Variants in GALNT13 observed in about 807,000 individuals in gnomAD.
GALNT13 encodes the protein polypeptide N-acetylgalactosaminyltransferase 13.
In GALNT13, 28 loss-of-function variants were observed where a neutral mutation model predicts 64.2. The ratio of observed to expected loss-of-function variants is 0.44; its 90% confidence interval spans 0.32 to 0.60. The LOEUF (loss-of-function observed/expected upper bound fraction) is 0.60, where lower values mean the gene tolerates loss of function less well. Among genes scored for constraint, GALNT13 ranks in the 20% least tolerant of loss-of-function variants. GALNT13 has a pLI of 0.05. For synonymous variants in GALNT13, 214 were observed against 224.6 expected (o/e 0.95, Z 0.42); for missense variants, 577 against 669.8 (o/e 0.86, Z 1.53).
At chr2:153,076,510 AT>A in the GALNT13 span, among the ~76,000 whole-genome samples, 2 of 151,952 alleles carry the variant, frequency 1.3e-5, no homozygotes, top group African/African-American at 4.8e-5. Flanking sequence ...GTCATAGGGA[AT>A]TTTTTCCCTC....
chr2:153,876,881 A>C (rs1482640807), intron 1 of GALNT13, among the ~76,000 whole-genome samples: 1 of 152,152 alleles, frequency 6.6e-6, no homozygotes, highest in African/African-American at 2.4e-5. Flanking sequence ...GTTGGGAGAC[A>C]TGCTTTTCCT....
At chr2:153,448,449 T>C in the GALNT13 span, among the ~76,000 whole-genome samples, 1 of 152,224 alleles carries the variant, frequency 6.6e-6, no homozygotes, top group Non-Finnish European at 1.5e-5. Flanking sequence ...GCTCCAGTTA[T>C]GATAAATCTT....
the GALNT13 span, among the ~76,000 whole-genome samples, chr2:153,779,840 T>C: frequency 1.3e-5 from 2 of 152,154 alleles, no homozygotes; most frequent in African/African-American, 4.8e-5. Context: ...AACATGAAGA[T>C]TTTCAGCTTT....
At chr2:153,082,437 A>G in the GALNT13 span, among the ~76,000 whole-genome samples, 15 of 151,288 alleles carry the variant, frequency 9.9e-5, no homozygotes, top group South Asian at 3.1e-3. Flanking sequence ...ATCACTTCGA[A>G]TAATATTCTC....
intron 3 of GALNT13, among the ~76,000 whole-genome samples, chr2:154,033,129 A>G (rs1446301693): frequency 1.3e-5 from 2 of 151,974 alleles, no homozygotes; most frequent in Admixed American, 6.6e-5. Flanking sequence ...TTAGAGATCT[A>G]TATCTAAAAA....
the GALNT13 span, among the ~76,000 whole-genome samples, chr2:153,865,471 A>T: frequency 1.4e-5 from 2 of 142,190 alleles, no homozygotes; most frequent in Non-Finnish European, 3.1e-5. Flanking sequence ...CAAGAAAAAA[A>T]CAAACAACCC....
the GALNT13 span, among the ~76,000 whole-genome samples, chr2:153,487,906 A>G: frequency 6.6e-6 from 1 of 152,212 alleles, no homozygotes; most frequent in South Asian, 2.1e-4. Flanking sequence ...CCATGGGGAC[A>G]CATTGAAGGG....
the GALNT13 span, among the ~76,000 whole-genome samples, chr2:153,108,617 G>A: frequency 5.3e-5 from 8 of 152,088 alleles, no homozygotes; most frequent in Admixed American, 5.2e-4. Flanking sequence ...TCTGCGAGGT[G>A]GGCAGGGATT....
At chr2:153,741,885 T>C in the GALNT13 span, among the ~76,000 whole-genome samples, 1 of 152,110 alleles carries the variant, frequency 6.6e-6, no homozygotes, top group African/African-American at 2.4e-5. Flanking sequence ...ATTTCAAGGG[T>C]ACAAAGTGAT....
intron 9 of GALNT13, among the ~76,000 whole-genome samples, chr2:154,390,827 T>G (rs1216187695): frequency 6.6e-6 from 1 of 152,220 alleles, no homozygotes; most frequent in Non-Finnish European, 1.5e-5. Flanking sequence ...TTGAAAGACT[T>G]GCCTTAAAAA....
the GALNT13 span, among the ~76,000 whole-genome samples, chr2:153,325,545 A>G: frequency 0.27 from 40,712 of 151,916 alleles, 6,900 homozygotes; most frequent in Non-Finnish European, 0.39. Context: ...CTAGCTTTTG[A>G]ATTCGTTTGC....
At chr2:154,247,715 G>T (rs148245228) in intron 7 of GALNT13, among the ~76,000 whole-genome samples, 2 of 152,104 alleles carry the variant, frequency 1.3e-5, no homozygotes, top group East Asian at 1.9e-4. Flanking sequence ...AATTTATGTG[G>T]TTGTATTGCA....
the GALNT13 span, among the ~76,000 whole-genome samples, chr2:153,097,055 G>T: frequency 6.6e-6 from 1 of 151,842 alleles, no homozygotes; most frequent in Non-Finnish European, 1.5e-5. Context: ...TTGGTTTGAT[G>T]TTACCATGAT....
At chr2:153,932,592 CTTCTTT>C in intron 2 of GALNT13, among the ~76,000 whole-genome samples, 1 of 144,912 alleles carries the variant, frequency 6.9e-6, no homozygotes, top group East Asian at 2.0e-4. Context: ...TTTGACAGAT[CTTCTTT>C]TTCTTTTTTT....
At chr2:153,526,087 C>T in the GALNT13 span, among the ~76,000 whole-genome samples, 1 of 152,260 alleles carries the variant, frequency 6.6e-6, no homozygotes, top group African/African-American at 2.4e-5. Context: ...TCTCTGGCTC[C>T]TGGATGGCAC....
At chr2:154,287,847 G>A (rs1395855238) in intron 8 of GALNT13, among the ~76,000 whole-genome samples, 1 of 151,900 alleles carries the variant, frequency 6.6e-6, no homozygotes, top group Non-Finnish European at 1.5e-5. Context: ...TTGACTCTGT[G>A]GGATTCAGTA....
the GALNT13 span, among the ~76,000 whole-genome samples, chr2:153,758,542 G>A: frequency 1.9e-4 from 29 of 151,852 alleles, no homozygotes; most frequent in Admixed American, 5.3e-4. Flanking sequence ...TTTACATTTC[G>A]GTAGAATTTT....
intron 3 of GALNT13, among the ~76,000 whole-genome samples, chr2:154,036,422 A>T (rs1574385958): frequency 6.6e-6 from 1 of 152,124 alleles, no homozygotes; most frequent in Non-Finnish European, 1.5e-5. Context: ...TTCTGAGAGG[A>T]TAAGTGTTTC....
chr2:153,949,203 G>C (rs1341021727), intron 3 of GALNT13, among the ~76,000 whole-genome samples: 4 of 152,088 alleles, frequency 2.6e-5, no homozygotes, highest in Admixed American at 1.3e-4. Context: ...TACATTCTAT[G>C]ATGTTTGCAC....
Sources: gnomAD v4.1 joint callset for allele counts (sites outside exome capture counted in the v4.1 genomes callset) on GRCh38, gnomAD v4.1.1 for gene constraint, MANE v1.5 for transcripts, NCBI Gene and HGNC (gene_info 2026-07-23, HGNC 2026-07-21) for gene names.